The following GRK4 variants were observed in gnomAD, a reference collection of about 807,000 sequenced individuals.
The protein encoded by GRK4 is G protein-coupled receptor kinase 2-like.
A neutral mutation model predicts 77.9 loss-of-function variants in GRK4; 73 were observed. The ratio of observed to expected loss-of-function variants is 0.94; its 90% CI spans 0.78 to 1.14. The LOEUF is 1.14. Among genes scored for constraint, GRK4 ranks in the 50% most tolerant of loss-of-function variants. The pLI is 0.00. For missense variants in GRK4, 729 were observed against 700.2 expected, an observed-to-expected ratio of 1.04 and a Z score of -0.46; for synonymous variants, 257 against 254.4, an observed-to-expected ratio of 1.01 and a Z score of -0.10.
chr4:3,003,970 C>T (rs13305978), intron 4 of GRK4, among the ~76,000 whole-genome samples: 3 of 152,306 alleles, frequency 2.0e-5, no homozygotes, highest in East Asian at 1.9e-4. Context: ...CCACCCACCT[C>T]GGCCTCCCAA....
At chr4:2,965,289 C>T (rs1425618702) in intron 1 of GRK4, 30 of 702,932 alleles carry the variant, frequency 4.3e-5, no homozygotes, top group Middle Eastern at 2.3e-4. Flanking sequence ...AGCCCTTCAG[C>T]GGGAGACCCC....
intron 3 of GRK4, among the ~76,000 whole-genome samples, chr4:2,989,267 G>C (rs1166212956): frequency 1.3e-5 from 2 of 152,128 alleles, no homozygotes; most frequent in Non-Finnish European, 2.9e-5. Flanking sequence ...TATCTTATTA[G>C]GACAGAAATC....
chr4:2,988,191 A>G (rs1724999902), intron 2 of GRK4, among the ~76,000 whole-genome samples: 1 of 151,806 alleles, frequency 6.6e-6, no homozygotes, highest in Non-Finnish European at 1.5e-5. Context: ...CCCAGTAGCA[A>G]TGTGTTCAGT....
intron 1 of GRK4, among the ~76,000 whole-genome samples, chr4:2,973,305 C>G (rs2109427202): frequency 6.6e-6 from 1 of 152,290 alleles, no homozygotes; most frequent in African/African-American, 2.4e-5. Context: ...CCAAATGCCC[C>G]CCGTCTTTGT....
At chr4:3,040,436 G>C (rs935625875) in intron 15 of GRK4, 136 bp from the exon 16 acceptor site, 16 of 625,552 alleles carry the variant, frequency 2.6e-5, no homozygotes, top group Non-Finnish European at 4.0e-5. Flanking sequence ...GTGAGACTAT[G>C]TCTCAAAAAA....
rs143754884 is a variant in GRK4 at position 3,013,527 on chromosome 4, C to T, written c.601-161C>T. On this transcript the variant is annotated intron_variant, in intron 7 of 15. Transcript: ENST00000398052. ...TACAGTGCATCACTGAGGGAGGAGC[C>T]GACTCACACTGACGAAGCTCACCTT... Among the ~76,000 whole-genome samples, 636 of 152,218 alleles carry T rather than the reference C, an allele frequency of 4.2e-3. 2 individuals carry two copies. Among genetic ancestry groups the T allele is most frequent in the African/African-American group, 0.012 (500 of 41,538 alleles).
intron 12 of GRK4, among the ~76,000 whole-genome samples, chr4:3,031,134 C>T (rs1314659880): frequency 6.6e-6 from 1 of 152,096 alleles, no homozygotes; most frequent in Admixed American, 6.6e-5. Context: ...GAGCCAAGTC[C>T]TTGCAGTGGG....
At chr4:2,975,982 C>T (rs1236902955) in intron 1 of GRK4, among the ~76,000 whole-genome samples, 2 of 152,124 alleles carry the variant, frequency 1.3e-5, no homozygotes, top group Non-Finnish European at 2.9e-5. Flanking sequence ...AGCCAAATCC[C>T]CAAACAGGCC....
chr4:2,976,631 CTTTTTTTTTT>C (rs769469513), intron 1 of GRK4, among the ~76,000 whole-genome samples: 18 of 117,338 alleles, frequency 1.5e-4, no homozygotes, highest in African/African-American at 4.5e-4. Context: ...TTCTTTCTTT[CTTTTTTTTTT>C]TTTTTTTTTT....
At chr4:3,012,390 G>A (rs1187143488) in intron 7 of GRK4, among the ~76,000 whole-genome samples, 3 of 152,142 alleles carry the variant, frequency 2.0e-5, no homozygotes, top group Non-Finnish European at 4.4e-5. Flanking sequence ...ATGTATTCTT[G>A]CATACCCATG....
At chr4:3,015,195 A>G (rs970883352) in intron 8 of GRK4, among the ~76,000 whole-genome samples, 3 of 152,116 alleles carry the variant, frequency 2.0e-5, no homozygotes, top group African/African-American at 2.4e-5. Context: ...CTCTCTACCT[A>G]ATTACATATG....
Position 3,038,497 on chromosome 4 carries a change from G to C in GRK4, c.1667G>C (p.Arg556Thr). Residue 556 changes from arginine (R) to threonine (T), a missense_variant, in exon 15 of 16, where the codon AGA becomes ACA. Physicochemically the swap from Arg to Thr is moderately conservative, Grantham distance 71. Coordinates refer to ENST00000398052, the MANE Select transcript of GRK4 (RefSeq NM_182982.3). The stretch of plus-strand genomic sequence containing the variant: ...AGACCAAACAGAGGCTTCTTCTATA[G>C]ACTCTTCAGAAGAGGGGTAAAAAGA... ...VSRPNRGFFY[R>T]LFRRGGCLTM... 1.2e-6 allele frequency: 2 copies of C among 1,613,268 alleles called. No individual in the cohort carries two copies. Among genetic ancestry groups the C allele is most frequent in the Non-Finnish European group, 1.7e-6 (2 of 1,179,934 alleles).
chr4:2,980,302 G>A (rs918647780), intron 1 of GRK4, among the ~76,000 whole-genome samples: 3 of 152,158 alleles, frequency 2.0e-5, no homozygotes, highest in African/African-American at 7.2e-5. Context: ...AGTGGCAGCA[G>A]CCAGGATGAA....
In GRK4 at chr4:3,028,145, C is replaced by G. The variant is rs1201769123; in HGVS notation, c.1060+144C>G. The G allele has an allele frequency of 1.1e-5, 8 of 696,200 alleles. No homozygotes were observed. In the Admixed American group the frequency reaches 2.0e-4, roughly 17 times the overall value. The allele number at this position is 696,200 out of a possible 1,614,324, so 43.1% of individuals were successfully genotyped here. A position where few individuals can be genotyped will look rare whatever the true frequency, so the allele number is the denominator to read the frequency against. The stretch of plus-strand genomic sequence containing the variant: ...CGCAGTGGTGTTTTGAATCTCTAAC[C>G]TGTCAGAGTGTTGAGGCTGCTGGGG... On this transcript the variant is annotated intron_variant, in intron 11 of 15. Coordinates refer to ENST00000398052, the MANE Select transcript of GRK4 (RefSeq NM_182982.3).
At position 2,969,628 on chromosome 4, in the gene GRK4, G is replaced by A. The variant is rs1383854102; in HGVS notation, c.52+5506G>A. ...CAACCTCAGGTGATCCGCCCACCTC[G>A]GCCTCCCAAAGTGCTAGGATTTACA... On this transcript the variant is annotated intron_variant, in intron 1 of 15. Transcript: ENST00000398052. Among the ~76,000 whole-genome samples, 6 of 151,454 alleles carry A rather than the reference G, an allele frequency of 4.0e-5. No individual in the cohort carries two copies. In the East Asian group the frequency reaches 9.7e-4, roughly 24 times the overall value.
chr4:2,990,451 T>G (rs1433810496), intron 3 of GRK4, among the ~76,000 whole-genome samples: 1 of 152,184 alleles, frequency 6.6e-6, no homozygotes, highest in East Asian at 1.9e-4. Context: ...GAGACGGGGT[T>G]TCCCCATGTT....
chr4:2,993,485 C>G (rs975706371), intron 4 of GRK4, among the ~76,000 whole-genome samples: 3 of 152,000 alleles, frequency 2.0e-5, no homozygotes, highest in East Asian at 3.9e-4. Context: ...ACAGGCCTGG[C>G]CAATATGGTG....
intron 10 of GRK4, among the ~76,000 whole-genome samples, chr4:3,027,541 A>G (rs1402291434): frequency 6.6e-6 from 1 of 152,250 alleles, no homozygotes; most frequent in African/African-American, 2.4e-5. Flanking sequence ...GTACTCTGAC[A>G]GAAAGTATTT....
chr4:2,996,642 A>G (rs2515936), intron 4 of GRK4, among the ~76,000 whole-genome samples: 59,955 of 151,796 alleles, frequency 0.39, 12,819 homozygotes, highest in African/African-American at 0.55. Context: ...TGTGGGGGAT[A>G]GACAAATGTT....
Sources: gnomAD v4.1 joint callset for allele counts (sites outside exome capture counted in the v4.1 genomes callset) on GRCh38, gnomAD v4.1.1 for gene constraint, MANE v1.5 for transcripts, NCBI Gene and HGNC (gene_info 2026-07-23, HGNC 2026-07-21) for gene names.